Variants in CSMD1 observed in about 807,000 individuals in gnomAD.
CSMD1 encodes the protein CUB and sushi domain-containing protein 1.
In CSMD1, 213 loss-of-function variants were observed where a neutral mutation model predicts 417.5. The observed-to-expected ratio is 0.51, with a 90% CI of 0.46 to 0.57. The LOEUF (loss-of-function observed/expected upper bound fraction) is 0.57. CSMD1 is among the 20% of genes least tolerant of loss of function. CSMD1 has a pLI of 0.00. For missense variants in CSMD1, 6,923 were observed against 4,529.7 expected, an observed-to-expected ratio of 1.53 and a Z score of -15.17; for synonymous variants, 2,862 against 1,736.8, an observed-to-expected ratio of 1.65 and a Z score of -16.11.
At chr8:3,613,632 A>G (rs1237602983) in intron 8 of CSMD1, among the ~76,000 whole-genome samples, 3 of 151,716 alleles carry the variant, frequency 2.0e-5, no homozygotes, top group Admixed American at 6.6e-5. Flanking sequence ...CACAAAATAT[A>G]CAAACAAAAA....
intron 5 of CSMD1, among the ~76,000 whole-genome samples, chr8:3,792,153 G>T (rs888301942): frequency 2.8e-4 from 43 of 152,098 alleles, no homozygotes; most frequent in Non-Finnish European, 3.4e-4. Flanking sequence ...AATTAGCCAG[G>T]TGTCATGGTG....
Position 3,850,540 on chromosome 8 carries a change from C to G in CSMD1, c.819-96498G>C, listed in dbSNP as rs541492818. On this transcript the variant is annotated intron_variant, in intron 5 of 69. Coordinates refer to ENST00000635120, the MANE Select transcript of CSMD1 (RefSeq NM_033225.6). ...CAAAACCCCATCTCTATTATGGATA[C>G]AAAAATTAGCCGGGCATGATGGCTC... is the stretch of plus-strand genomic sequence containing the variant. Among the ~76,000 whole-genome samples, 4 of 152,036 alleles carry G rather than the reference C, an allele frequency of 2.6e-5. No individual in the cohort carries two copies. In the South Asian group the frequency reaches 8.3e-4, roughly 32 times the overall value.
chr8:3,760,468 A>C (rs1440601968), intron 5 of CSMD1, among the ~76,000 whole-genome samples: 1 of 152,196 alleles, frequency 6.6e-6, no homozygotes, highest in African/African-American at 2.4e-5. Flanking sequence ...TAATTGTACC[A>C]TACATTTTAG....
intron 23 of CSMD1, among the ~76,000 whole-genome samples, chr8:3,318,698 C>T (rs1001022967): frequency 6.6e-6 from 1 of 152,092 alleles, no homozygotes; most frequent in African/African-American, 2.4e-5. Flanking sequence ...AAAGCATTTG[C>T]TTTTTGGGTG....
chr8:4,259,856 TAA>T (rs1483866371), intron 3 of CSMD1, among the ~76,000 whole-genome samples: 1 of 152,244 alleles, frequency 6.6e-6, no homozygotes, highest in Non-Finnish European at 1.5e-5. Context: ...TCATCCACCT[TAA>T]AATATTGCAG....
intron 1 of CSMD1, among the ~76,000 whole-genome samples, chr8:4,680,162 G>A (rs969669607): frequency 6.6e-6 from 1 of 152,196 alleles, no homozygotes; most frequent in Non-Finnish European, 1.5e-5. Flanking sequence ...AGTGTATGTA[G>A]AATCAGACCT....
chr8:3,949,714 C>T lies in CSMD1; in HGVS notation c.818+48189G>A, dbSNP rs562811231. On this transcript the variant is annotated intron_variant, in intron 5 of 69. Transcript: ENST00000635120. ...TATTATAAGGGCACATTTCCTGATT[C>T]ATGGTATGAGCAATGGGGACTTGAT... is the stretch of plus-strand genomic sequence containing the variant. Among the ~76,000 whole-genome samples, 6 of 152,192 alleles carry T rather than the reference C, an allele frequency of 3.9e-5. No individual in the cohort carries two copies. In the Middle Eastern group the frequency reaches 0.01, roughly 259 times the overall value.
intron 2 of CSMD1, among the ~76,000 whole-genome samples, chr8:4,533,327 T>C (rs953426470): frequency 2.0e-5 from 3 of 152,210 alleles, no homozygotes; most frequent in African/African-American, 4.8e-5. Context: ...CCAAGGATTA[T>C]CAGTAGTTTA....
chr8:4,469,798 C>T (rs986479461), intron 2 of CSMD1, among the ~76,000 whole-genome samples: 1 of 152,100 alleles, frequency 6.6e-6, no homozygotes, highest in African/African-American at 2.4e-5. Flanking sequence ...CTGCTTACAG[C>T]CTTCTCACGG....
At chr8:3,614,029 C>G (rs532903486) in intron 8 of CSMD1, among the ~76,000 whole-genome samples, 1 of 151,716 alleles carries the variant, frequency 6.6e-6, no homozygotes, top group East Asian at 1.9e-4. Flanking sequence ...GGAAATCTAT[C>G]AAAAAAGCTA....
intron 1 of CSMD1, among the ~76,000 whole-genome samples, chr8:4,877,694 G>A (rs1803135503): frequency 6.6e-6 from 1 of 151,858 alleles, no homozygotes; most frequent in Non-Finnish European, 1.5e-5. Flanking sequence ...ATTCCATCTG[G>A]AATTATTTCC....
At chr8:4,752,206 A>G (rs1350596303) in intron 1 of CSMD1, among the ~76,000 whole-genome samples, 1 of 152,078 alleles carries the variant, frequency 6.6e-6, no homozygotes, top group African/African-American at 2.4e-5. Flanking sequence ...TTCATCATAA[A>G]CAGTACTATC....
intron 49 of CSMD1, among the ~76,000 whole-genome samples, chr8:3,071,967 A>G (rs1331310678): frequency 6.6e-6 from 1 of 152,234 alleles, no homozygotes; most frequent in Non-Finnish European, 1.5e-5. Context: ...CCCTTCCAGT[A>G]AAAGAAATGC....
chr8:4,931,882 T>C (rs1807273222), intron 1 of CSMD1, among the ~76,000 whole-genome samples: 1 of 152,186 alleles, frequency 6.6e-6, no homozygotes, highest in Non-Finnish European at 1.5e-5. Context: ...TATTGATTGT[T>C]ATATGGAGAT....
intron 3 of CSMD1, among the ~76,000 whole-genome samples, chr8:4,318,054 G>T (rs78131164): frequency 2.0e-5 from 3 of 152,070 alleles, no homozygotes; most frequent in Admixed American, 1.3e-4. Context: ...TTGTGCGTTC[G>T]TTTTTTCTCA....
At chr8:2,951,639 G>A (rs1450236243) in intron 65 of CSMD1, among the ~76,000 whole-genome samples, 2 of 152,106 alleles carry the variant, frequency 1.3e-5, no homozygotes, top group African/African-American at 4.8e-5. Context: ...CCTGACCCAT[G>A]AAATCACTAC....
chr8:4,612,180 G>A (rs1028433002), intron 2 of CSMD1, among the ~76,000 whole-genome samples: 2 of 151,968 alleles, frequency 1.3e-5, no homozygotes, highest in East Asian at 3.9e-4. Context: ...AACGCTGAGT[G>A]CTAAAAAAAA....
intron 2 of CSMD1, among the ~76,000 whole-genome samples, chr8:4,617,185 A>G (rs1423276130): frequency 6.6e-6 from 1 of 152,190 alleles, no homozygotes; most frequent in Admixed American, 6.5e-5. Flanking sequence ...TGCCACTTTG[A>G]TTTAATCAAA....
rs562416408 is a variant in CSMD1 at position 4,735,397 on chromosome 8, C to G, written c.86-97839G>C. On this transcript the variant is annotated intron_variant, in intron 1 of 69. Transcript: ENST00000635120. ...TCTTTCTCTCATCAATTTATCTGCC[C>G]CAAATAACCTTCTTTTTTCAGTAAG... 7.9e-4 allele frequency among the ~76,000 whole-genome samples: 121 copies of G among 152,242 alleles called. 1 individual carries two copies. Among genetic ancestry groups the G allele is most frequent in the African/African-American group, 2.8e-3 (116 of 41,552 alleles).
Sources: gnomAD v4.1 joint callset for allele counts (sites outside exome capture counted in the v4.1 genomes callset) on GRCh38, gnomAD v4.1.1 for gene constraint, MANE v1.5 for transcripts, NCBI Gene and HGNC (gene_info 2026-07-23, HGNC 2026-07-21) for gene names.